UGT1A9: variants seen among roughly 807,000 people sequenced by gnomAD.
UGT1A9 encodes UDP glucuronosyltransferase family 1 member A9.
Under a neutral mutation model 45.0 loss-of-function variants are expected in UGT1A9, and 35 were observed. The ratio of observed to expected loss-of-function variants is 0.78; its 90% confidence interval spans 0.59 to 1.03. UGT1A9 has a LOEUF of 1.03. UGT1A9 is among the 50% of genes least tolerant of loss of function. The pLI, the probability that UGT1A9 is intolerant of heterozygous loss-of-function variation, is 0.00. For missense variants in UGT1A9, 687 were observed against 666.6 expected (o/e 1.03, Z -0.34); for synonymous variants, 278 against 250.6 (o/e 1.11, Z -1.03).
At chr2:233,682,936 T>C in intron 1 of UGT1A9, 1 of 1,440,140 alleles carries the variant, frequency 6.9e-7, no homozygotes, top group Non-Finnish European at 9.2e-7. Context: ...CCAATTCACT[T>C]AATTGTTGGG....
chr2:233,758,519 G>T (rs1221365461), intron 1 of UGT1A9, among the ~76,000 whole-genome samples: 1 of 152,226 alleles, frequency 6.6e-6, no homozygotes. Context: ...ACAACAAAGA[G>T]TGAAAGCATT....
chr2:233,706,051 C>T (rs908394326), intron 1 of UGT1A9, among the ~76,000 whole-genome samples: 11 of 152,120 alleles, frequency 7.2e-5, no homozygotes, highest in Non-Finnish European at 1.3e-4. Flanking sequence ...GCCGAGATCA[C>T]GCCACTGCAT....
intron 1 of UGT1A9, among the ~76,000 whole-genome samples, chr2:233,757,560 A>ATT (rs904896556): frequency 8.1e-6 from 1 of 123,146 alleles, no homozygotes; most frequent in African/African-American, 3.4e-5. Flanking sequence ...ATATATATAT[A>ATT]TGTATATATG....
At chr2:233,729,672 TAAGG>T (rs769537040) in intron 1 of UGT1A9, 1 of 1,613,976 alleles carries the variant, frequency 6.2e-7, no homozygotes, top group Non-Finnish European at 8.5e-7. Flanking sequence ...ATTTAGACTT[TAAGG>T]GCACACAGTG....
chr2:233,707,436 T>G (rs186781639), intron 1 of UGT1A9, among the ~76,000 whole-genome samples: 70 of 152,298 alleles, frequency 4.6e-4, no homozygotes, highest in Non-Finnish European at 8.1e-4. Context: ...TGCTTTTCTT[T>G]ACAATTTTGC....
At chr2:233,743,990 C>G (rs541433916) in intron 1 of UGT1A9, 2 of 1,267,322 alleles carry the variant, frequency 1.6e-6, no homozygotes, top group South Asian at 2.6e-5. Context: ...GGCGCAGGCC[C>G]GAGTGCTCGG....
chr2:233,734,413 C>G (rs1324994664), intron 1 of UGT1A9, among the ~76,000 whole-genome samples: 1 of 152,086 alleles, frequency 6.6e-6, no homozygotes, highest in Non-Finnish European at 1.5e-5. Flanking sequence ...ATTCTTCTCT[C>G]TTTTCTTCTT....
intron 1 of UGT1A9, among the ~76,000 whole-genome samples, chr2:233,688,210 T>C (rs1416459213): frequency 1.3e-5 from 2 of 152,238 alleles, no homozygotes; most frequent in African/African-American, 4.8e-5. Context: ...CACTTAGTTT[T>C]GTGGCTTATC....
chr2:233,725,909 C>T (rs2077482916), intron 1 of UGT1A9, among the ~76,000 whole-genome samples: 1 of 152,102 alleles, frequency 6.6e-6, no homozygotes, highest in Admixed American at 6.5e-5. Flanking sequence ...CTCACACCTG[C>T]AATTTCAGCC....
intron 1 of UGT1A9, among the ~76,000 whole-genome samples, chr2:233,757,757 G>C (rs1696714079): frequency 6.6e-6 from 1 of 151,646 alleles, no homozygotes; most frequent in African/African-American, 2.4e-5. Context: ...TGTTTATGTT[G>C]CTCCTTTAGT....
chr2:233,767,898 C>A lies in UGT1A9; in HGVS notation c.1037C>A (p.Thr346Lys), dbSNP rs776227074. ...CGACCATCGAATCTTGCGAACAACA[C>A]GATACTTGTTAAGTGGCTACCCCAA... Reference protein sequence around the residue: ...GTRPSNLANNTILVKWLPQND... With the variant: ...GTRPSNLANNKILVKWLPQND... The change falls in exon 3 of 5, where the codon ACG becomes AAG. Residue 346 changes from threonine to lysine, a missense_variant. Thr to Lys is a moderately conservative substitution (Grantham distance 78, BLOSUM62 -1). Coordinates refer to ENST00000354728, the MANE Select transcript of UGT1A9 (RefSeq NM_021027.3). The A allele has an allele frequency of 1.2e-6, 2 of 1,614,152 alleles. No individual in the cohort carries two copies. Among genetic ancestry groups the A allele is most frequent in the Non-Finnish European group, 1.7e-6 (2 of 1,180,048 alleles).
chr2:233,756,134 A>G (rs1696129657), intron 1 of UGT1A9: 1 of 152,248 alleles, frequency 6.6e-6, no homozygotes, highest in African/African-American at 2.4e-5. Flanking sequence ...TTCTCCTGAA[A>G]AATTACTGGG....
intron 1 of UGT1A9, among the ~76,000 whole-genome samples, chr2:233,750,429 T>C (rs1273290769): frequency 6.6e-6 from 1 of 151,918 alleles, no homozygotes; most frequent in Non-Finnish European, 1.5e-5. Flanking sequence ...GAAAAACCCA[T>C]TTTATGGGGA....
At chr2:233,680,881 G>A (rs1321743008) in intron 1 of UGT1A9, among the ~76,000 whole-genome samples, 2 of 152,008 alleles carry the variant, frequency 1.3e-5, no homozygotes, top group East Asian at 1.9e-4. Context: ...CAAGCATAGG[G>A]ACGGCGACTC....
At chr2:233,772,163 T>C in intron 4 of UGT1A9, 99 bp from the exon 5 acceptor site, 2 of 1,568,298 alleles carry the variant, frequency 1.3e-6, no homozygotes, top group South Asian at 1.2e-5. Context: ...TTCCCAAGTT[T>C]GGAAAATCTG....
chr2:233,750,385 TG>T (rs1415350157), intron 1 of UGT1A9, among the ~76,000 whole-genome samples: 2 of 151,950 alleles, frequency 1.3e-5, no homozygotes, highest in Non-Finnish European at 2.9e-5. Flanking sequence ...CATAAAAGTT[TG>T]GAAAATTTGC....
At chr2:233,772,131 C>T in intron 4 of UGT1A9, 131 bp from the exon 5 acceptor site, 2 of 1,543,198 alleles carry the variant, frequency 1.3e-6, no homozygotes, top group South Asian at 2.4e-5. Context: ...ACAACAACAA[C>T]AATAATAGAA....
At chr2:233,724,280 G>GT (rs2077205183) in intron 1 of UGT1A9, among the ~76,000 whole-genome samples, 4 of 139,636 alleles carry the variant, frequency 2.9e-5, no homozygotes, top group Admixed American at 7.0e-5. Context: ...GGCTGGCCGG[G>GT]CGGGGGGCTG....
intron 1 of UGT1A9, chr2:233,755,033 G>A (rs1238728031): frequency 2.3e-6 from 3 of 1,314,014 alleles, no homozygotes; most frequent in Non-Finnish European, 3.1e-6. Context: ...AGGGCCTGCC[G>A]CCTGCGCAGC....
Sources: allele counts gnomAD v4.1 joint callset (sites outside exome capture counted in the v4.1 genomes callset), GRCh38; gene constraint gnomAD v4.1.1; transcripts MANE v1.5; gene names NCBI Gene and HGNC (gene_info 2026-07-23, HGNC 2026-07-21).